The following SGPP2 variants were observed in gnomAD, a reference collection of about 807,000 sequenced individuals.
SGPP2 encodes sphingosine 1-phosphate phosphohydrolase 2.
Under a neutral mutation model 33.9 loss-of-function variants are expected in SGPP2, and 30 were observed. The observed-to-expected ratio is 0.89, with a 90% CI of 0.66 to 1.20. The LOEUF (loss-of-function observed/expected upper bound fraction) is 1.20. SGPP2 is among the 50% of genes most tolerant of loss of function. The pLI, the probability that SGPP2 is intolerant of heterozygous loss-of-function variation, is 0.00. For missense variants in SGPP2, 458 were observed against 532.1 expected, an observed-to-expected ratio of 0.86 and a Z score of 1.37; for synonymous variants, 233 against 225.0, an observed-to-expected ratio of 1.04 and a Z score of -0.32.
intron 1 of SGPP2, among the ~76,000 whole-genome samples, chr2:222,461,196 A>G (rs1697654104): frequency 6.6e-6 from 1 of 152,226 alleles, no homozygotes; most frequent in African/African-American, 2.4e-5. Context: ...TGTGTGCCTG[A>G]TGGGGTAGCA....
intron 4 of SGPP2, among the ~76,000 whole-genome samples, chr2:222,526,253 G>A (rs1441425699): frequency 6.6e-6 from 1 of 152,242 alleles, no homozygotes; most frequent in Non-Finnish European, 1.5e-5. Context: ...ATTTGACCCT[G>A]TATTTGCATG....
At position 222,432,208 on chromosome 2, in the gene SGPP2, G is replaced by T. The variant is rs140361235; in HGVS notation, c.219+7387G>T. ...AGGTGCTTGTGTGAGTATGGAGGGA[G>T]CCCAGTGGTGAAGCCTTTTAAGAAA... On this transcript the variant is annotated intron_variant, in intron 1 of 4. Coordinates refer to ENST00000321276, the MANE Select transcript of SGPP2 (RefSeq NM_152386.4). Among the ~76,000 whole-genome samples, 38 of 152,308 alleles carry T rather than the reference G, an allele frequency of 2.5e-4. 1 individual carries two copies. The East Asian group carries it at 7.1e-3, about 29-fold the overall frequency.
At chr2:222,437,714 C>G (rs1697265686) in intron 1 of SGPP2, among the ~76,000 whole-genome samples, 1 of 152,174 alleles carries the variant, frequency 6.6e-6, no homozygotes, top group Admixed American at 6.5e-5. Context: ...GCACCCAGTT[C>G]ATGACGGGCA....
intron 1 of SGPP2, among the ~76,000 whole-genome samples, chr2:222,434,303 C>T (rs1220401971): frequency 6.6e-6 from 1 of 152,142 alleles, no homozygotes; most frequent in Non-Finnish European, 1.5e-5. Flanking sequence ...TTATAATTGA[C>T]ACATAATAAT....
intron 1 of SGPP2, among the ~76,000 whole-genome samples, chr2:222,428,289 G>A (rs1697101772): frequency 6.6e-6 from 1 of 152,192 alleles, no homozygotes; most frequent in Admixed American, 6.5e-5. Flanking sequence ...CAGAAGGCAG[G>A]ATCCTAGGAC....
At chr2:222,510,747 C>T (rs917828832) in intron 2 of SGPP2, among the ~76,000 whole-genome samples, 4 of 151,798 alleles carry the variant, frequency 2.6e-5, no homozygotes, top group Admixed American at 1.3e-4. Flanking sequence ...GGGTATTTTG[C>T]GGGGATGAAG....
chr2:222,431,099 G>C (rs1015265703), intron 1 of SGPP2, among the ~76,000 whole-genome samples: 1 of 152,100 alleles, frequency 6.6e-6, no homozygotes, highest in Non-Finnish European at 1.5e-5. Context: ...TAATCATAGG[G>C]GTACCTGCCT....
At chr2:222,448,846 C>T (rs186701454) in intron 1 of SGPP2, among the ~76,000 whole-genome samples, 4 of 152,312 alleles carry the variant, frequency 2.6e-5, no homozygotes, top group Non-Finnish European at 5.9e-5. Context: ...TGGAACCAGT[C>T]AGGCTCCTAA....
chr2:222,424,875 C>A (rs1697036820), intron 1 of SGPP2, 54 bp downstream of exon 1: 4 of 1,244,534 alleles, frequency 3.2e-6, no homozygotes, highest in Non-Finnish European at 4.1e-6. Context: ...TGCGGACGTG[C>A]GGGTCCCTGC....
At chr2:222,434,107 A>G (rs554327931) in intron 1 of SGPP2, among the ~76,000 whole-genome samples, 1 of 152,308 alleles carries the variant, frequency 6.6e-6, no homozygotes, top group South Asian at 2.1e-4. Flanking sequence ...CACAGTTTCC[A>G]GGCAACGCAT....
At position 222,432,322 on chromosome 2, in the gene SGPP2, A is replaced by G. The variant is rs144350558; in HGVS notation, c.219+7501A>G. Among the ~76,000 whole-genome samples the G allele has an allele frequency of 4.0e-3, 604 of 152,312 alleles. 4 individuals carry two copies. The highest frequency in any genetic ancestry group is 0.02 in the Middle Eastern group (6 of 294). Reference sequence around the variant, plus strand: ...GTTTTGGGTCCTTTGTGATACTTCTATTGTCACTCTCACCCACAGATGATT... The same window carrying G: ...GTTTTGGGTCCTTTGTGATACTTCTGTTGTCACTCTCACCCACAGATGATT... On this transcript the variant is annotated intron_variant, in intron 1 of 4. Coordinates refer to ENST00000321276, the MANE Select transcript of SGPP2 (RefSeq NM_152386.4).
chr2:222,485,408 C>T (rs1698090033), intron 2 of SGPP2, among the ~76,000 whole-genome samples: 1 of 152,172 alleles, frequency 6.6e-6, no homozygotes, highest in Non-Finnish European at 1.5e-5. Flanking sequence ...ATTTTTCACA[C>T]GAACTCGAAA....
chr2:222,484,353 T>A lies in SGPP2; in HGVS notation c.378+9627T>A, dbSNP rs1698073072. Among the ~76,000 whole-genome samples the A allele has an allele frequency of 3.9e-5, 6 of 152,314 alleles. No individual in the cohort carries two copies. In the South Asian group the frequency reaches 1.2e-3, roughly 32 times the overall value. ...TAGCTGTCCCAGATAGAGCCCGTTG[T>A]TCCCCTCACCCCCAGGATCATTTCT... On this transcript the variant is annotated intron_variant, in intron 2 of 4. Coordinates refer to ENST00000321276, the MANE Select transcript of SGPP2 (RefSeq NM_152386.4).
intron 4 of SGPP2, among the ~76,000 whole-genome samples, chr2:222,542,310 C>T (rs1699010448): frequency 2.0e-5 from 3 of 152,198 alleles, no homozygotes; most frequent in Non-Finnish European, 4.4e-5. Context: ...TTTATCCCTT[C>T]TGCTATTGAT....
chr2:222,436,631 A>G lies in SGPP2; in HGVS notation c.219+11810A>G, dbSNP rs375868192. Among the ~76,000 whole-genome samples, 46 of 152,332 alleles carry G rather than the reference A, an allele frequency of 3.0e-4. No individual in the cohort carries two copies. In the South Asian group the frequency reaches 8.3e-3, roughly 27 times the overall value. The stretch of plus-strand genomic sequence containing the variant: ...TAGCCGTAAAGTGAATGCGTTGGTC[A>G]GAGGCAATGCTGTGTGGGATACTAT... On this transcript the variant is annotated intron_variant, in intron 1 of 4. Coordinates refer to ENST00000321276, the MANE Select transcript of SGPP2 (RefSeq NM_152386.4).
At chr2:222,505,206 G>A (rs1028179729) in intron 2 of SGPP2, among the ~76,000 whole-genome samples, 10 of 152,154 alleles carry the variant, frequency 6.6e-5, no homozygotes, top group Non-Finnish European at 1.0e-4. Context: ...TTAGGACCTC[G>A]GCTTATTGCA....
At chr2:222,486,619 C>T (rs527765016) in intron 2 of SGPP2, among the ~76,000 whole-genome samples, 6 of 152,218 alleles carry the variant, frequency 3.9e-5, no homozygotes, top group South Asian at 2.1e-4. Context: ...ATGCTAGATG[C>T]GGGGTTGTGG....
chr2:222,454,369 A>T (rs1334247717), intron 1 of SGPP2, among the ~76,000 whole-genome samples: 1 of 152,210 alleles, frequency 6.6e-6, no homozygotes, highest in African/African-American at 2.4e-5. Flanking sequence ...TGCAAGGTGA[A>T]ATGTGCTTAC....
chr2:222,459,142 CTTTTTTTTTT>C, intron 1 of SGPP2, among the ~76,000 whole-genome samples: 1 of 94,472 alleles, frequency 1.1e-5, no homozygotes, highest in South Asian at 3.9e-4. Flanking sequence ...TTCTTTCTTT[CTTTTTTTTTT>C]TTTTTTTTTT....
Sources: gnomAD v4.1 joint callset for allele counts (sites outside exome capture counted in the v4.1 genomes callset) on GRCh38, gnomAD v4.1.1 for gene constraint, MANE v1.5 for transcripts, NCBI Gene and HGNC (gene_info 2026-07-23, HGNC 2026-07-21) for gene names.